PDZRN3: variants seen among roughly 807,000 people sequenced by gnomAD.
PDZRN3 encodes PDZ domain containing ring finger 3.
A neutral mutation model predicts 85.7 loss-of-function variants in PDZRN3; 38 were observed. That is an observed-to-expected ratio of 0.44 (90% CI 0.34 to 0.58). The LOEUF is 0.58. PDZRN3 is among the 20% of genes least tolerant of loss of function. The pLI, the probability that PDZRN3 is intolerant of heterozygous loss-of-function variation, is 0.01. For synonymous variants in PDZRN3, 759 were observed against 638.0 expected (o/e 1.19, Z -2.86); for missense variants, 1,629 against 1,506.4 (o/e 1.08, Z -1.35).
At chr3:73,583,034 C>G (rs1010299576) in intron 3 of PDZRN3, among the ~76,000 whole-genome samples, 2 of 152,166 alleles carry the variant, frequency 1.3e-5, no homozygotes, top group African/African-American at 2.4e-5. Context: ...AGGAGCCACT[C>G]AACAATGGAA....
chr3:73,449,185 A>G (rs1236042622), intron 3 of PDZRN3, among the ~76,000 whole-genome samples: 4 of 152,164 alleles, frequency 2.6e-5, no homozygotes, highest in African/African-American at 9.7e-5. Flanking sequence ...AAAAGAGGAG[A>G]CAGAAGGCAG....
intron 3 of PDZRN3, among the ~76,000 whole-genome samples, chr3:73,524,431 C>T (rs1038528078): frequency 6.6e-6 from 1 of 152,228 alleles, no homozygotes; most frequent in African/African-American, 2.4e-5. Context: ...AAATTAGCCT[C>T]TCTGAACAGA....
At chr3:73,391,315 A>C (rs566928836) in intron 5 of PDZRN3, among the ~76,000 whole-genome samples, 199 bp from the exon 6 acceptor site, 3 of 152,390 alleles carry the variant, frequency 2.0e-5, no homozygotes, top group Non-Finnish European at 2.9e-5. Flanking sequence ...CCTTTCACTC[A>C]ATATAAAGTC....
At chr3:73,495,466 C>T (rs184711661) in intron 3 of PDZRN3, among the ~76,000 whole-genome samples, 144 of 152,306 alleles carry the variant, frequency 9.5e-4, no homozygotes, top group African/African-American at 2.7e-3. Context: ...TGCCATCAAA[C>T]ATCATGTATT....
At chr3:73,536,375 T>A (rs1704785805) in intron 3 of PDZRN3, among the ~76,000 whole-genome samples, 2 of 152,206 alleles carry the variant, frequency 1.3e-5, no homozygotes, top group South Asian at 2.1e-4. Context: ...CACAATGGGA[T>A]CCCCAGCAGT....
chr3:73,602,851 T>C (rs1702535166), intron 2 of PDZRN3, among the ~76,000 whole-genome samples: 3 of 152,246 alleles, frequency 2.0e-5, no homozygotes, highest in African/African-American at 7.2e-5. Context: ...CATTTAACTC[T>C]AAAAATCATG....
intron 2 of PDZRN3, among the ~76,000 whole-genome samples, chr3:73,603,749 G>A (rs1047948427): frequency 6.6e-6 from 1 of 151,966 alleles, no homozygotes; most frequent in Non-Finnish European, 1.5e-5. Flanking sequence ...ATATTCTAAA[G>A]GGGGAAGGAA....
chr3:73,485,825 G>A (rs6800926), intron 3 of PDZRN3, among the ~76,000 whole-genome samples: 80,555 of 152,024 alleles, frequency 0.53, 21,489 homozygotes, highest in East Asian at 0.75. Context: ...CACTTGTAAT[G>A]TTCATAAAGA....
chr3:73,433,078 A>T (rs1702464099), intron 3 of PDZRN3, among the ~76,000 whole-genome samples: 1 of 152,252 alleles, frequency 6.6e-6, no homozygotes, highest in African/African-American at 2.4e-5. Context: ...ACAGCACCCA[A>T]GATCAAGTCA....
At chr3:73,477,226 T>C (rs148720925) in intron 3 of PDZRN3, among the ~76,000 whole-genome samples, 170 of 152,264 alleles carry the variant, frequency 1.1e-3, no homozygotes, top group African/African-American at 4.0e-3. Context: ...TAATTAAATG[T>C]TAGCTATAAA....
chr3:73,508,582 C>G (rs990256396), intron 3 of PDZRN3, among the ~76,000 whole-genome samples: 1 of 152,126 alleles, frequency 6.6e-6, no homozygotes, highest in Non-Finnish European at 1.5e-5. Context: ...TAGGAGTGAA[C>G]AGTTTTCTAT....
chr3:73,383,878 C>T lies in PDZRN3; in HGVS notation c.2688G>A (p.Ala896=), dbSNP rs201819844. Reference sequence around the variant, plus strand: ...TGCTCACCAGGCTCATCTGGCTTTGCGCGTACTCCACGGCCGACTTCTGCT... The same window carrying T: ...TGCTCACCAGGCTCATCTGGCTTTGTGCGTACTCCACGGCCGACTTCTGCT... ...LIQQKSAVEY[A]QSQMSLVSMC... The change falls in exon 10 of 10, where the codon GCG becomes GCA. Residue 896 remains alanine, a synonymous_variant. Coordinates refer to ENST00000263666, the MANE Select transcript of PDZRN3 (RefSeq NM_015009.3). 16 of 1,613,582 alleles carry T rather than the reference C, an allele frequency of 9.9e-6. No individual in the cohort carries two copies. The highest frequency in any genetic ancestry group is 6.7e-5 in the East Asian group (3 of 44,846).
intron 3 of PDZRN3, among the ~76,000 whole-genome samples, chr3:73,580,413 C>T (rs1702183532): frequency 2.0e-5 from 3 of 152,244 alleles, no homozygotes. Context: ...GTGCAGCCAG[C>T]TCTCACAGCC....
chr3:73,518,361 G>A (rs969052495), intron 3 of PDZRN3, among the ~76,000 whole-genome samples: 3 of 152,092 alleles, frequency 2.0e-5, no homozygotes, highest in Non-Finnish European at 4.4e-5. Context: ...GGAAAAATAG[G>A]TAATTATCGT....
At chr3:73,535,755 C>T (rs1324116665) in intron 3 of PDZRN3, among the ~76,000 whole-genome samples, 1 of 152,174 alleles carries the variant, frequency 6.6e-6, no homozygotes, top group African/African-American at 2.4e-5. Context: ...TCTGTTGTTA[C>T]ATATGGTGTA....
At chr3:73,386,665 G>A (rs1701396884) in intron 8 of PDZRN3, among the ~76,000 whole-genome samples, 1 of 152,222 alleles carries the variant, frequency 6.6e-6, no homozygotes, top group African/African-American at 2.4e-5. Context: ...AATTGTCTAT[G>A]GCTGCTTTTG....
chr3:73,608,820 C>A lies in PDZRN3; in HGVS notation c.724-136G>T, dbSNP rs988113608. On this transcript the variant is annotated intron_variant, in intron 1 of 9. Coordinates refer to ENST00000263666, the MANE Select transcript of PDZRN3 (RefSeq NM_015009.3). ...CCTGTTATCTCTTGGGAAGTTTAAC[C>A]AAGGAAACTTCTGGAACCCAATCTG... 50 of 626,528 alleles carry A rather than the reference C, an allele frequency of 8.0e-5. No homozygotes were observed. The African/African-American group carries it at 9.1e-4, about 11-fold the overall frequency. The allele number at this position is 626,528 out of a possible 1,614,324, so 38.8% of individuals were successfully genotyped here. A position where few individuals can be genotyped will look rare whatever the true frequency, so the allele number is the denominator to read the frequency against.
intron 3 of PDZRN3, among the ~76,000 whole-genome samples, chr3:73,461,152 G>C (rs1268859940): frequency 1.3e-5 from 2 of 152,160 alleles, no homozygotes; most frequent in Non-Finnish European, 2.9e-5. Context: ...CAGAACGAAT[G>C]AATCAGTAGA....
At chr3:73,401,686 C>T (rs1187585915) in intron 4 of PDZRN3, 1 of 152,210 alleles carries the variant, frequency 6.6e-6, no homozygotes, top group African/African-American at 2.4e-5. Context: ...ATATGCAAAA[C>T]ACAGTCCACA....
Sources: allele counts gnomAD v4.1 joint callset (sites outside exome capture counted in the v4.1 genomes callset), GRCh38; gene constraint gnomAD v4.1.1; transcripts MANE v1.5; gene names NCBI Gene and HGNC (gene_info 2026-07-23, HGNC 2026-07-21).